Variants in KCNMB4 observed in about 807,000 individuals in gnomAD.
KCNMB4 encodes the protein calcium-activated potassium channel subunit beta-4.
In KCNMB4, 3 loss-of-function variants were observed where a neutral mutation model predicts 20.7. The observed-to-expected ratio is 0.14, with a 90% CI of 0.07 to 0.37. The LOEUF (loss-of-function observed/expected upper bound fraction) is 0.37, where lower values mean the gene tolerates loss of function less well. Ranked by LOEUF, KCNMB4 falls within the 10% of genes least tolerant of loss-of-function variation. KCNMB4 has a pLI of 1.00. For synonymous variants in KCNMB4, 110 were observed against 113.4 expected, an observed-to-expected ratio of 0.97 and a Z score of 0.19; for missense variants, 168 against 265.9, an observed-to-expected ratio of 0.63 and a Z score of 2.56.
intron 1 of KCNMB4, among the ~76,000 whole-genome samples, chr12:70,367,284 C>T (rs188524736): frequency 2.6e-5 from 4 of 152,230 alleles, no homozygotes; most frequent in Admixed American, 2.6e-4. Context: ...CCAGTGGTGC[C>T]CAGAGGCTTA....
At chr12:70,372,703 G>A (rs1883619015) in intron 1 of KCNMB4, among the ~76,000 whole-genome samples, 1 of 152,144 alleles carries the variant, frequency 6.6e-6, no homozygotes, top group Admixed American at 6.5e-5. Flanking sequence ...TAAATATGAG[G>A]ATGAATCCAT....
chr12:70,397,015 A>C (rs1225539716), intron 1 of KCNMB4, among the ~76,000 whole-genome samples: 2 of 152,218 alleles, frequency 1.3e-5, no homozygotes, highest in Non-Finnish European at 2.9e-5. Flanking sequence ...TAAAGATTTA[A>C]GGAAATGGAG....
intron 1 of KCNMB4, among the ~76,000 whole-genome samples, chr12:70,394,027 A>G (rs191444416): frequency 2.0e-5 from 3 of 152,244 alleles, no homozygotes; most frequent in Admixed American, 1.3e-4. Context: ...CAAAATATTC[A>G]TGTCTTCTTT....
rs570171132 is a variant in KCNMB4, at chr12:70,370,675, A to G, written c.336+3605A>G. On this transcript the variant is annotated intron_variant, in intron 1 of 2. Transcript: ENST00000258111. ...AAGGAAAGGGAGAGTATTATTTAAA[A>G]TTATTATGTAAATAATAGTTTAAAA... 2.1e-4 allele frequency among the ~76,000 whole-genome samples: 32 copies of G among 152,108 alleles called. No individual in the cohort carries two copies. The South Asian group carries it at 6.4e-3, about 31-fold the overall frequency.
intron 1 of KCNMB4, among the ~76,000 whole-genome samples, chr12:70,369,409 C>T (rs1173875816): frequency 6.6e-6 from 1 of 152,184 alleles, no homozygotes; most frequent in Admixed American, 6.5e-5. Flanking sequence ...ACCCATTGTC[C>T]ATTCCTGTTG....
chr12:70,419,642 T>C (rs1165136306), intron 2 of KCNMB4, among the ~76,000 whole-genome samples: 1 of 152,124 alleles, frequency 6.6e-6, no homozygotes, highest in Non-Finnish European at 1.5e-5. Flanking sequence ...GGGGCTAAAG[T>C]GAATATGCAG....
intron 1 of KCNMB4, among the ~76,000 whole-genome samples, chr12:70,375,480 A>T (rs1178728651): frequency 3.4e-5 from 1 of 29,476 alleles, no homozygotes; most frequent in South Asian, 7.9e-4. Context: ...TACAAAAATT[A>T]AAAAAAAAAA....
chr12:70,401,359 T>C (rs1205605481), intron 2 of KCNMB4, among the ~76,000 whole-genome samples: 3 of 148,788 alleles, frequency 2.0e-5, no homozygotes, highest in African/African-American at 7.8e-5. Flanking sequence ...TCATGACTCT[T>C]CTCTGCCTCC....
intron 1 of KCNMB4, among the ~76,000 whole-genome samples, chr12:70,374,065 C>T (rs1391569501): frequency 6.6e-6 from 1 of 152,088 alleles, no homozygotes; most frequent in Non-Finnish European, 1.5e-5. Context: ...ATCTCCAGCC[C>T]CCATTTGTGG....
intron 1 of KCNMB4, 96 bp downstream of exon 1, chr12:70,367,166 C>A: frequency 2.0e-6 from 2 of 985,752 alleles, no homozygotes; most frequent in African/African-American, 1.6e-5. Flanking sequence ...GGCGTGTGCT[C>A]GCATTGCTAG....
At chr12:70,413,332 C>G (rs1868833165) in intron 2 of KCNMB4, among the ~76,000 whole-genome samples, 1 of 152,168 alleles carries the variant, frequency 6.6e-6, no homozygotes, top group South Asian at 2.1e-4. Context: ...TATTAAATCA[C>G]TTTTCATTTA....
intron 1 of KCNMB4, among the ~76,000 whole-genome samples, chr12:70,379,403 AC>A (rs1377069569): frequency 1.3e-5 from 2 of 152,166 alleles, no homozygotes; most frequent in Non-Finnish European, 2.9e-5. Flanking sequence ...CTACATGAGC[AC>A]TTGCTGCTTC....
intron 1 of KCNMB4, among the ~76,000 whole-genome samples, chr12:70,373,918 C>T (rs752225456): frequency 2.0e-5 from 3 of 152,114 alleles, no homozygotes; most frequent in Non-Finnish European, 2.9e-5. Context: ...CCTAAGAGTA[C>T]AAGACTGCAG....
chr12:70,372,550 T>C (rs1883616745), intron 1 of KCNMB4, among the ~76,000 whole-genome samples: 1 of 150,840 alleles, frequency 6.6e-6, no homozygotes, highest in Non-Finnish European at 1.5e-5. Flanking sequence ...GAAAGAGGAG[T>C]TGAGAATGGC....
Position 70,433,968 on chromosome 12 carries a change from G to A in KCNMB4, c.*3315G>A, listed in dbSNP as rs1449366478. On this transcript the variant is annotated 3_prime_UTR_variant, in exon 3 of 3. Transcript: ENST00000258111. ...GAAAAATATACGCTTTTATAGGCCG[G>A]GGTTTTAGTTCATTTGACTGTAATA... 1 of 152,208 alleles carries A rather than the reference G, an allele frequency of 6.6e-6. No homozygotes were observed. The highest frequency in any genetic ancestry group is 2.4e-5 in the African/African-American group (1 of 41,452). 9.4% of individuals were successfully genotyped at this position (152,208 alleles called of 1,614,324 possible).
At chr12:70,415,044 C>T (rs1868880120) in intron 2 of KCNMB4, among the ~76,000 whole-genome samples, 1 of 152,308 alleles carries the variant, frequency 6.6e-6, no homozygotes, top group Non-Finnish European at 1.5e-5. Context: ...CTTCCTTTGG[C>T]CTTTCATAAT....
intron 2 of KCNMB4, among the ~76,000 whole-genome samples, chr12:70,420,375 T>G (rs1869019368): frequency 6.6e-6 from 1 of 152,134 alleles, no homozygotes; most frequent in Admixed American, 6.5e-5. Context: ...ATTGCCTGAG[T>G]GTGCCCCAAA....
At chr12:70,417,137 A>G (rs1175184568) in intron 2 of KCNMB4, among the ~76,000 whole-genome samples, 1 of 152,330 alleles carries the variant, frequency 6.6e-6, no homozygotes, top group East Asian at 1.9e-4. Context: ...CTGAGGATCT[A>G]ATTACAGGGA....
intron 1 of KCNMB4, among the ~76,000 whole-genome samples, chr12:70,399,500 G>A (rs760158442): frequency 1.3e-4 from 20 of 152,206 alleles, no homozygotes; most frequent in African/African-American, 4.3e-4. Flanking sequence ...CTTCGTCATC[G>A]TTGTAAAAAG....
Sources: allele counts gnomAD v4.1 joint callset (sites outside exome capture counted in the v4.1 genomes callset), GRCh38; gene constraint gnomAD v4.1.1; transcripts MANE v1.5; gene names NCBI Gene and HGNC (gene_info 2026-07-23, HGNC 2026-07-21).